BTD: variants seen among roughly 807,000 people sequenced by gnomAD.
BTD encodes biocytinase.
In BTD, 13 loss-of-function variants were observed where a neutral mutation model predicts 17.7. That is an observed-to-expected ratio of 0.74 (90% CI 0.48 to 1.17). The LOEUF (loss-of-function observed/expected upper bound fraction) is 1.17, where lower values mean the gene tolerates loss of function less well. Among genes scored for constraint, BTD ranks in the 50% most tolerant of loss-of-function variants. The probability of loss-of-function intolerance (pLI) is 0.00; values close to 1 mark genes in which losing one functional copy is unlikely to be tolerated. For synonymous variants in BTD, 240 were observed against 245.2 expected, an observed-to-expected ratio of 0.98 and a Z score of 0.20; for missense variants, 674 against 650.4, an observed-to-expected ratio of 1.04 and a Z score of -0.39.
intron 3 of BTD, chr3:15,707,948 G>T: frequency 6.2e-7 from 1 of 1,613,256 alleles, no homozygotes; most frequent in Non-Finnish European, 8.5e-7. Flanking sequence ...TGATGTAGCT[G>T]CATAGTGCAG....
intron 3 of BTD, among the ~76,000 whole-genome samples, chr3:15,680,178 A>G (rs1223594160): frequency 6.6e-6 from 1 of 152,056 alleles, no homozygotes; most frequent in African/African-American, 2.4e-5. Context: ...TTAACTACAC[A>G]TATCCTTCCA....
intron 1 of BTD, among the ~76,000 whole-genome samples, chr3:15,624,287 G>A (rs2065019299): frequency 6.6e-6 from 1 of 152,068 alleles, no homozygotes; most frequent in African/African-American, 2.4e-5. Flanking sequence ...TTAATCTGGG[G>A]AAATTCTCAG....
intron 2 of BTD, among the ~76,000 whole-genome samples, chr3:15,639,769 T>G (rs908429283): frequency 3.9e-5 from 6 of 152,240 alleles, no homozygotes; most frequent in Non-Finnish European, 7.3e-5. Flanking sequence ...TACATTGGTA[T>G]AGTATTTCTG....
At position 15,652,448 on chromosome 3, in the gene BTD, A is replaced by G. The variant is rs1381666865; in HGVS notation, c.*6960A>G. On this transcript the variant is annotated 3_prime_UTR_variant, in exon 4 of 4. Transcript: ENST00000643237. ...CTATGGACAGACCCATTTGGCAAGG[A>G]ACAGCCACCAGCTAGCTGCATGAGC... Among the ~76,000 whole-genome samples, 1 of 152,172 alleles carries G rather than the reference A, an allele frequency of 6.6e-6. No homozygotes were observed. The highest frequency in any genetic ancestry group is 2.4e-5 in the African/African-American group (1 of 41,444).
intron 3 of BTD, chr3:15,690,255 C>A: frequency 6.8e-7 from 1 of 1,471,002 alleles, no homozygotes; most frequent in Non-Finnish European, 9.2e-7. Flanking sequence ...TTAAAACATA[C>A]ATATTTAGAC....
intron 2 of BTD, among the ~76,000 whole-genome samples, chr3:15,639,355 A>G (rs1469726520): frequency 6.6e-6 from 1 of 152,176 alleles, no homozygotes. Flanking sequence ...ATCTGAAAAG[A>G]TGACTCATAC....
chr3:15,612,044 A>G (rs1024188316), intron 1 of BTD, among the ~76,000 whole-genome samples: 2 of 151,692 alleles, frequency 1.3e-5, no homozygotes, highest in African/African-American at 2.4e-5. Context: ...TCTGTTTTCT[A>G]ATTTAATTTC....
intron 1 of BTD, among the ~76,000 whole-genome samples, chr3:15,615,588 T>G (rs2064768662): frequency 6.6e-6 from 1 of 152,240 alleles, no homozygotes; most frequent in Admixed American, 6.5e-5. Flanking sequence ...TTAGTTTTTA[T>G]TTTTTAAATG....
intron 1 of BTD, among the ~76,000 whole-genome samples, chr3:15,634,617 A>G (rs2065295954): frequency 6.6e-6 from 1 of 152,138 alleles, no homozygotes; most frequent in Admixed American, 6.5e-5. Flanking sequence ...TTTGTAGTTT[A>G]TTTTCTAGAA....
At chr3:15,610,289 G>A (rs1380882399) in intron 1 of BTD, among the ~76,000 whole-genome samples, 1 of 152,174 alleles carries the variant, frequency 6.6e-6, no homozygotes, top group Non-Finnish European at 1.5e-5. Context: ...CAGGCTAGCT[G>A]GACTTCTTCA....
chr3:15,639,082 C>T (rs2065434364), intron 2 of BTD, among the ~76,000 whole-genome samples: 1 of 152,048 alleles, frequency 6.6e-6, no homozygotes, highest in South Asian at 2.1e-4. Context: ...AACCTTCATT[C>T]CTCAGAAGGA....
At chr3:15,636,419 G>A (rs1217525104) in intron 2 of BTD, among the ~76,000 whole-genome samples, 2 of 152,214 alleles carry the variant, frequency 1.3e-5, no homozygotes, top group Non-Finnish European at 2.9e-5. Flanking sequence ...TTCAGGAAGG[G>A]TGGGGACAAA....
At chr3:15,672,261 A>C (rs982532615) in intron 3 of BTD, among the ~76,000 whole-genome samples, 1 of 151,250 alleles carries the variant, frequency 6.6e-6, no homozygotes, top group Non-Finnish European at 1.5e-5. Context: ...CTCCCACCTC[A>C]GCCCCCTGAC....
chr3:15,632,321 C>A (rs1263446673), intron 1 of BTD, among the ~76,000 whole-genome samples: 1 of 152,198 alleles, frequency 6.6e-6, no homozygotes, highest in Non-Finnish European at 1.5e-5. Flanking sequence ...GGACCCCTGA[C>A]ACCTAACCCC....
chr3:15,601,449 G>C (rs1170888518), upstream of BTD: 3 of 1,613,348 alleles, frequency 1.9e-6, no homozygotes, highest in Non-Finnish European at 2.5e-6. Flanking sequence ...GCTCTGCGAA[G>C]TTACTGTCCG....
chr3:15,620,351 G>T (rs892818426), intron 1 of BTD, among the ~76,000 whole-genome samples: 111 of 152,162 alleles, frequency 7.3e-4, no homozygotes, highest in African/African-American at 2.0e-3. Context: ...CTTTCCCAGG[G>T]TATTAATATT....
chr3:15,703,175 G>T (rs1350955256), intron 3 of BTD, among the ~76,000 whole-genome samples: 1 of 151,996 alleles, frequency 6.6e-6, no homozygotes, highest in East Asian at 1.9e-4. Flanking sequence ...ATTGATTTTG[G>T]TAATAAAAAA....
chr3:15,675,879 G>C (rs768796028), intron 3 of BTD: 1 of 1,579,848 alleles, frequency 6.3e-7, no homozygotes, highest in Admixed American at 1.7e-5. Flanking sequence ...TAAGGGAAGA[G>C]AATATAGAAC....
intron 1 of BTD, among the ~76,000 whole-genome samples, chr3:15,626,337 G>T (rs2065064876): frequency 6.6e-6 from 1 of 152,178 alleles, no homozygotes; most frequent in African/African-American, 2.4e-5. Flanking sequence ...TTCACAAAAG[G>T]AGCTAGATGA....
Sources: gnomAD v4.1 joint callset for allele counts (sites outside exome capture counted in the v4.1 genomes callset) on GRCh38, gnomAD v4.1.1 for gene constraint, MANE v1.5 for transcripts, NCBI Gene and HGNC (gene_info 2026-07-23, HGNC 2026-07-21) for gene names.